RYR2: variants seen among roughly 807,000 people sequenced by gnomAD.
The protein encoded by RYR2 is cardiac muscle ryanodine receptor-calcium release channel.
RYR2 carries 227 observed loss-of-function variants against 601.1 expected under a neutral mutation model. The observed-to-expected ratio is 0.38, with a 90% CI of 0.34 to 0.42. The LOEUF (loss-of-function observed/expected upper bound fraction) is 0.42. Among genes scored for constraint, RYR2 ranks in the 10% least tolerant of loss-of-function variants. RYR2 has a pLI of 1.00. For synonymous variants in RYR2, 2,223 were observed against 2,175.1 expected, an observed-to-expected ratio of 1.02 and a Z score of -0.61; for missense variants, 4,646 against 6,156.5, an observed-to-expected ratio of 0.75 and a Z score of 8.21.
chr1:237,212,117 A>G (rs1004864504), intron 1 of RYR2, among the ~76,000 whole-genome samples: 4 of 152,288 alleles, frequency 2.6e-5, no homozygotes, highest in South Asian at 4.1e-4. Context: ...GTTGTTTACA[A>G]AGAAAGTTCT....
chr1:237,220,785 C>A (rs1357760459), intron 1 of RYR2, among the ~76,000 whole-genome samples: 1 of 152,098 alleles, frequency 6.6e-6, no homozygotes, highest in African/African-American at 2.4e-5. Flanking sequence ...AGAAAATATT[C>A]TTGCTGTTTC....
intron 1 of RYR2, among the ~76,000 whole-genome samples, chr1:237,194,989 C>A (rs1196414165): frequency 6.6e-6 from 1 of 152,018 alleles, no homozygotes; most frequent in Non-Finnish European, 1.5e-5. Context: ...TGCCTGGCAC[C>A]TATTAGGGCA....
chr1:237,314,481 A>G (rs1292548986), intron 2 of RYR2, among the ~76,000 whole-genome samples: 2 of 152,216 alleles, frequency 1.3e-5, no homozygotes, highest in African/African-American at 2.4e-5. Context: ...TTAAAATAAC[A>G]TGGGTTAAAA....
intron 44 of RYR2, among the ~76,000 whole-genome samples, chr1:237,636,825 A>G (rs1680922584): frequency 6.6e-6 from 1 of 152,190 alleles, no homozygotes; most frequent in South Asian, 2.1e-4. Flanking sequence ...ACTGTGATAT[A>G]CCCATATACG....
chr1:237,167,708 C>CTTTT (rs11288225), intron 1 of RYR2, among the ~76,000 whole-genome samples: 4 of 101,110 alleles, frequency 4.0e-5, no homozygotes, highest in Non-Finnish European at 5.7e-5. Context: ...GATCCACCTC[C>CTTTT]TTTTTTTTTT....
chr1:237,088,324 C>A (rs879929151), intron 1 of RYR2, among the ~76,000 whole-genome samples: 1 of 152,156 alleles, frequency 6.6e-6, no homozygotes, highest in Non-Finnish European at 1.5e-5. Flanking sequence ...TCATGAATCT[C>A]AGGAGAGATA....
rs185326113 is a variant in RYR2, at chr1:237,264,584, C to G, written c.49-5913C>G. 8.5e-4 allele frequency among the ~76,000 whole-genome samples: 129 copies of G among 152,186 alleles called. 1 individual carries two copies. Among genetic ancestry groups the G allele is most frequent in the African/African-American group, 2.9e-3 (122 of 41,528 alleles). On this transcript the variant is annotated intron_variant, in intron 1 of 104. Coordinates refer to ENST00000366574, the MANE Select transcript of RYR2 (RefSeq NM_001035.3). ...AATTTTGGGCATTGTTTGTTCTTAT[C>G]CATTCATTCAACTACTATTGATTGA...
At chr1:237,782,603 C>T (rs1695214459) in intron 89 of RYR2, among the ~76,000 whole-genome samples, 1 of 152,130 alleles carries the variant, frequency 6.6e-6, no homozygotes, top group African/African-American at 2.4e-5. Context: ...CCTTTAAACA[C>T]AGGATCCATT....
intron 21 of RYR2, among the ~76,000 whole-genome samples, chr1:237,501,413 G>A (rs1664625069): frequency 6.6e-6 from 1 of 151,410 alleles, no homozygotes. Flanking sequence ...CTCTGCCCAT[G>A]GTCAATGGTG....
chr1:237,198,641 G>C (rs909728039), intron 1 of RYR2, among the ~76,000 whole-genome samples: 5 of 151,896 alleles, frequency 3.3e-5, no homozygotes, highest in Admixed American at 2.0e-4. Context: ...CTGGCAATTT[G>C]GCATGAACTT....
chr1:237,464,459 G>T (rs1659837698), intron 16 of RYR2, among the ~76,000 whole-genome samples: 1 of 151,826 alleles, frequency 6.6e-6, no homozygotes. Context: ...CACTGTGAAA[G>T]ATCATATTAC....
At chr1:237,542,933 A>G (rs556039030) in intron 25 of RYR2, among the ~76,000 whole-genome samples, 49 of 152,180 alleles carry the variant, frequency 3.2e-4, no homozygotes, top group African/African-American at 1.2e-3. Context: ...GCTGGGGAGA[A>G]CTTGCCTCCT....
At chr1:237,507,956 G>A (rs75574330) in intron 23 of RYR2, among the ~76,000 whole-genome samples, 1,794 of 152,180 alleles carry the variant, frequency 0.012, 38 homozygotes, top group African/African-American at 0.039. Flanking sequence ...TTTGTGCTAC[G>A]TTCATCAATT....
Position 237,503,412 on chromosome 1 carries a change from C to A in RYR2, c.2520C>A (p.Tyr840Ter). ...EKLKVEHSREYKQERTYTRDL... is the reference protein window; with the variant it reads ...EKLKVEHSRE ...TGAAAGTGGAACACAGCCGAGAGTA[C>A]AAGCAAGAAAGAACTTACACACGCG... The change falls in exon 22 of 105, where the codon TAC becomes TAA. Residue 840 changes from tyrosine to a stop codon, truncating the protein, a stop_gained. Transcript: ENST00000366574. LOFTEE classifies it high-confidence loss of function. 1 of 1,613,916 alleles carries A rather than the reference C, an allele frequency of 6.2e-7. No homozygotes were observed. Among genetic ancestry groups the A allele is most frequent in the Non-Finnish European group, 8.5e-7 (1 of 1,179,882 alleles).
intron 10 of RYR2, among the ~76,000 whole-genome samples, chr1:237,403,881 A>C (rs1035551813): frequency 1.3e-5 from 2 of 152,240 alleles, no homozygotes; most frequent in African/African-American, 4.8e-5. Context: ...GATAAATACG[A>C]GAGTTAAATC....
chr1:237,138,542 T>C (rs1469943138), intron 1 of RYR2, among the ~76,000 whole-genome samples: 1 of 152,212 alleles, frequency 6.6e-6, no homozygotes, highest in Non-Finnish European at 1.5e-5. Flanking sequence ...TTTTATTAGA[T>C]TGGTGGTTTC....
At position 237,676,013 on chromosome 1, in the gene RYR2, G is replaced by A. The variant is rs1168929560; in HGVS notation, c.8830+1167G>A. ...TATGATTCCTGACTTATCCTGATAC[G>A]TAGCCAAATTAATCTGAATTAATGA... On this transcript the variant is annotated intron_variant, in intron 60 of 104. Coordinates refer to ENST00000366574, the MANE Select transcript of RYR2 (RefSeq NM_001035.3). Among the ~76,000 whole-genome samples the A allele has an allele frequency of 2.6e-5, 4 of 151,954 alleles. No individual in the cohort carries two copies. The South Asian group carries it at 6.2e-4, about 24-fold the overall frequency.
At chr1:237,779,476 G>A (rs983761496) in intron 88 of RYR2, among the ~76,000 whole-genome samples, 1 of 152,160 alleles carries the variant, frequency 6.6e-6, no homozygotes, top group Admixed American at 6.5e-5. Context: ...TATTTGCCAG[G>A]CGGTCAGGTA....
At chr1:237,587,719 A>G (rs1056616875) in intron 29 of RYR2, among the ~76,000 whole-genome samples, 2 of 152,218 alleles carry the variant, frequency 1.3e-5, no homozygotes, top group Non-Finnish European at 1.5e-5. Context: ...ATATTTGTGC[A>G]TATTACTAGA....
Sources: allele counts gnomAD v4.1 joint callset (sites outside exome capture counted in the v4.1 genomes callset), GRCh38; gene constraint gnomAD v4.1.1; transcripts MANE v1.5; gene names NCBI Gene and HGNC (gene_info 2026-07-23, HGNC 2026-07-21).